Variants in ASAP2 observed in about 807,000 individuals in gnomAD.
ASAP2 encodes arf-GAP with SH3 domain, ANK repeat and PH domain-containing protein 2.
Under a neutral mutation model 131.4 loss-of-function variants are expected in ASAP2, and 45 were observed. The observed-to-expected ratio is 0.34, with a 90% CI of 0.27 to 0.44. The LOEUF (loss-of-function observed/expected upper bound fraction) is 0.44, where lower values mean the gene tolerates loss of function less well. Ranked by LOEUF, ASAP2 falls within the 20% of genes least tolerant of loss-of-function variation. ASAP2 has a pLI of 1.00. For missense variants in ASAP2, 1,011 were observed against 1,297.0 expected (o/e 0.78, Z 3.39); for synonymous variants, 510 against 503.0 (o/e 1.01, Z -0.19).
At chr2:9,373,860 A>C (rs1401649349) in intron 16 of ASAP2, among the ~76,000 whole-genome samples, 1 of 152,198 alleles carries the variant, frequency 6.6e-6, no homozygotes, top group Non-Finnish European at 1.5e-5. Context: ...TGTAAAATGC[A>C]TGTACTCTGT....
chr2:9,370,031 G>A (rs553344121), intron 16 of ASAP2, among the ~76,000 whole-genome samples: 2 of 152,140 alleles, frequency 1.3e-5, no homozygotes, highest in Non-Finnish European at 2.9e-5. Flanking sequence ...GTAGAGATGG[G>A]GTTTCACCAT....
chr2:9,221,069 G>A (rs1191132621), intron 1 of ASAP2, among the ~76,000 whole-genome samples: 1 of 151,950 alleles, frequency 6.6e-6, no homozygotes, highest in Non-Finnish European at 1.5e-5. Context: ...CTTATGGTAT[G>A]TTTGGAAATC....
intron 1 of ASAP2, among the ~76,000 whole-genome samples, chr2:9,253,460 G>A (rs544642418): frequency 9.9e-5 from 15 of 152,276 alleles, no homozygotes; most frequent in South Asian, 6.2e-4. Context: ...CACTGTGCCC[G>A]GCCAAAATTC....
At position 9,279,289 on chromosome 2, in the gene ASAP2, T is replaced by C. The variant is rs769331166; in HGVS notation, c.127-28T>C. 5.0e-6 allele frequency: 8 copies of C among 1,609,190 alleles called. No individual in the cohort carries two copies. In the African/African-American group the frequency reaches 9.4e-5, roughly 19 times the overall value. ...TAGCGTGGTCTCAGCACAGACACGGTTTAATGACTGTATTCTCTACATTTT... is the reference window on the plus strand; with the variant it reads ...TAGCGTGGTCTCAGCACAGACACGGCTTAATGACTGTATTCTCTACATTTT... On this transcript the variant is annotated intron_variant, in intron 1 of 27. Transcript: ENST00000281419.
chr2:9,262,514 C>G (rs924000836), intron 1 of ASAP2, among the ~76,000 whole-genome samples: 2 of 152,110 alleles, frequency 1.3e-5, no homozygotes, highest in African/African-American at 4.8e-5. Flanking sequence ...AGGTGGAGTC[C>G]GTTTTTGAGG....
chr2:9,317,796 G>A lies in ASAP2; in HGVS notation c.346-728G>A, dbSNP rs368342412. Among the ~76,000 whole-genome samples, 660 of 141,320 alleles carry A rather than the reference G, an allele frequency of 4.7e-3. 4 individuals are homozygous for A. Among genetic ancestry groups the A allele is most frequent in the African/African-American group, 8.9e-3 (345 of 38,846 alleles). 92.7% of individuals were successfully genotyped at this position (141,320 alleles called of 152,430 possible). A position where few individuals can be genotyped will look rare whatever the true frequency, so the allele number is the denominator to read the frequency against. On this transcript the variant is annotated intron_variant, in intron 3 of 27. Coordinates refer to ENST00000281419, the MANE Select transcript of ASAP2 (RefSeq NM_003887.3). ...CACCCTCACACACCCATACACAATC[G>A]CATTCACACACTCACACAATCACAC...
At chr2:9,290,178 A>C (rs2148359696) in intron 2 of ASAP2, among the ~76,000 whole-genome samples, 1 of 152,182 alleles carries the variant, frequency 6.6e-6, no homozygotes, top group South Asian at 2.1e-4. Context: ...TTGGGAGAGA[A>C]AGACATATTC....
At chr2:9,359,801 C>T (rs1672969286) in intron 15 of ASAP2, among the ~76,000 whole-genome samples, 1 of 152,172 alleles carries the variant, frequency 6.6e-6, no homozygotes, top group African/African-American at 2.4e-5. Flanking sequence ...CTTGTCAAAC[C>T]TTTCCAGTCT....
chr2:9,357,254 G>A (rs888888892), intron 14 of ASAP2, among the ~76,000 whole-genome samples: 5 of 151,576 alleles, frequency 3.3e-5, no homozygotes, highest in Admixed American at 6.6e-5. Context: ...TGAGGCGGGC[G>A]GATCACTTGA....
At chr2:9,301,121 A>G (rs945777900) in intron 3 of ASAP2, among the ~76,000 whole-genome samples, 5 of 152,196 alleles carry the variant, frequency 3.3e-5, no homozygotes, top group Non-Finnish European at 7.3e-5. Context: ...CTTATCTCAT[A>G]TCTTCCAAGC....
At chr2:9,223,095 G>C (rs1005412054) in intron 1 of ASAP2, among the ~76,000 whole-genome samples, 1 of 152,164 alleles carries the variant, frequency 6.6e-6, no homozygotes, top group Non-Finnish European at 1.5e-5. Flanking sequence ...ACTTGCAAGC[G>C]ACTGCTTTGG....
At position 9,400,029 on chromosome 2, in the gene ASAP2, C is replaced by T. The variant is rs1438630751; in HGVS notation, c.2691C>T (p.Asp897=). 16 of 1,613,222 alleles carry T rather than the reference C, an allele frequency of 9.9e-6. No homozygotes were observed. The highest frequency in any genetic ancestry group is 1.2e-5 in the Non-Finnish European group (14 of 1,179,718). The change falls in exon 25 of 28, where the codon GAC becomes GAT. Residue 897 remains aspartate, a synonymous_variant. Transcript: ENST00000281419. ...TTTTTCCCTGTCTTTGTAGGGCTGA[C>T]AAGTCCACCCCACTGACCAACAAAG... ...LPQKKPAPGA[D]KSTPLTNKGQ...
At chr2:9,376,862 G>C in intron 17 of ASAP2, 46 bp from the exon 18 acceptor site, 3 of 1,537,430 alleles carry the variant, frequency 2.0e-6, no homozygotes, top group Non-Finnish European at 2.7e-6. Flanking sequence ...ACACAGAATT[G>C]AATGCTCCCA....
chr2:9,378,479 A>C (rs1207407047), intron 18 of ASAP2, among the ~76,000 whole-genome samples: 1 of 152,220 alleles, frequency 6.6e-6, no homozygotes, highest in Non-Finnish European at 1.5e-5. Flanking sequence ...GGGAATATCA[A>C]ATAATGATAG....
chr2:9,393,637 C>G lies in ASAP2; in HGVS notation c.2674C>G (p.Pro892Ala). 1 of 1,575,938 alleles carries G rather than the reference C, an allele frequency of 6.3e-7. No homozygotes were observed. The highest frequency in any genetic ancestry group is 2.3e-5 in the East Asian group (1 of 43,286). Reference sequence around the variant, plus strand: ...GCCCAGCCGCCTCCCGCAGAAGAAGCCTGCGCCGGGGTAAGCCACCCCCAG... The same window carrying G: ...GCCCAGCCGCCTCCCGCAGAAGAAGGCTGCGCCGGGGTAAGCCACCCCCAG... ...QPPSRLPQKK[P>A]APGADKSTPL... Residue 892 changes from proline (P) to alanine (A), a missense_variant, in exon 24 of 28, where the codon CCT becomes GCT. By Grantham distance (27) the Pro-to-Ala change is conservative. This residue lies in a region of ASAP2 where 652 missense variants were observed against 698.9 expected (regional missense o/e 0.93). Coordinates refer to ENST00000281419, the MANE Select transcript of ASAP2 (RefSeq NM_003887.3).
intron 2 of ASAP2, among the ~76,000 whole-genome samples, chr2:9,282,572 C>T (rs576378120): frequency 1.4e-3 from 219 of 152,270 alleles, no homozygotes; most frequent in African/African-American, 4.6e-3. Context: ...CAGTTGGCTT[C>T]GGTGCACTGT....
At chr2:9,327,700 G>A (rs555615521) in intron 6 of ASAP2, 126 bp from the exon 7 acceptor site, 14 of 614,866 alleles carry the variant, frequency 2.3e-5, no homozygotes, top group Admixed American at 3.9e-5. Flanking sequence ...ACTAAGTGTC[G>A]ATCATGCACT....
Position 9,389,108 on chromosome 2 carries a change from T to G in ASAP2, c.2383+562T>G, listed in dbSNP as rs1317326422. Reference sequence around the variant, plus strand: ...TCTTACCTCAGCTGTAACCTGGAGGTTTTGACTCAACAGGTGACACTTTCT... The same window carrying G: ...TCTTACCTCAGCTGTAACCTGGAGGGTTTGACTCAACAGGTGACACTTTCT... On this transcript the variant is annotated intron_variant, in intron 22 of 27. Transcript: ENST00000281419. This position sits in a 1 kb window ranked among gnomAD's most constrained non-coding sequence, Gnocchi z 4.7. 6.6e-6 allele frequency among the ~76,000 whole-genome samples: 1 copy of G among 152,002 alleles called. No homozygotes were observed. The highest frequency in any genetic ancestry group is 1.5e-5 in the Non-Finnish European group (1 of 68,008).
chr2:9,280,878 C>T (rs1667089632), intron 2 of ASAP2, among the ~76,000 whole-genome samples: 1 of 152,228 alleles, frequency 6.6e-6, no homozygotes, highest in South Asian at 2.1e-4. Context: ...ACAACTGATT[C>T]TCCTTATACA....
Sources: allele counts gnomAD v4.1 joint callset (sites outside exome capture counted in the v4.1 genomes callset), GRCh38; gene constraint gnomAD v4.1.1; regional missense constraint gnomAD v4.1.1; non-coding constraint Gnocchi (gnomAD v3.1); transcripts MANE v1.5; gene names NCBI Gene and HGNC (gene_info 2026-07-23, HGNC 2026-07-21).